Variants in RNF180 observed in about 807,000 individuals in gnomAD.
RNF180 encodes the protein E3 ubiquitin-protein ligase RNF180.
A neutral mutation model predicts 59.2 loss-of-function variants in RNF180; 38 were observed. That is an observed-to-expected ratio of 0.64 (90% CI 0.50 to 0.84). The LOEUF is 0.84. Among genes scored for constraint, RNF180 ranks in the 40% least tolerant of loss-of-function variants. RNF180 has a pLI of 0.00. For synonymous variants in RNF180, 262 were observed against 240.3 expected, an observed-to-expected ratio of 1.09 and a Z score of -0.84; for missense variants, 705 against 700.9, an observed-to-expected ratio of 1.01 and a Z score of -0.07.
chr5:64,192,160 G>A (rs919786496), intron 1 of RNF180, among the ~76,000 whole-genome samples: 1 of 151,586 alleles, frequency 6.6e-6, no homozygotes, highest in Non-Finnish European at 1.5e-5. Context: ...TAATAGACTT[G>A]AATAGACATT....
At chr5:64,251,806 A>C (rs1244903788) in intron 5 of RNF180, among the ~76,000 whole-genome samples, 1 of 151,968 alleles carries the variant, frequency 6.6e-6, no homozygotes, top group African/African-American at 2.4e-5. Context: ...CACACAGTGA[A>C]CTATCTGAAA....
chr5:64,363,313 C>T (rs1746326297), intron 7 of RNF180, among the ~76,000 whole-genome samples: 1 of 151,796 alleles, frequency 6.6e-6, no homozygotes, highest in African/African-American at 2.4e-5. Context: ...CTACGTGTAG[C>T]AAGCCAGTTA....
chr5:64,298,687 A>G (rs1743016630), intron 5 of RNF180, among the ~76,000 whole-genome samples: 1 of 152,032 alleles, frequency 6.6e-6, no homozygotes, highest in Non-Finnish European at 1.5e-5. Context: ...AGCAAAGAAA[A>G]ACAAACCAAA....
At chr5:64,173,240 G>T (rs1750038822) in intron 1 of RNF180, among the ~76,000 whole-genome samples, 1 of 152,140 alleles carries the variant, frequency 6.6e-6, no homozygotes, top group East Asian at 1.9e-4. Context: ...ACATTTAAAT[G>T]AGAATAATTT....
At chr5:64,334,044 G>C (rs909336194) in intron 7 of RNF180, among the ~76,000 whole-genome samples, 4 of 152,148 alleles carry the variant, frequency 2.6e-5, no homozygotes, top group Non-Finnish European at 5.9e-5. Flanking sequence ...GTGCACACTG[G>C]TCCAGGGCCA....
At chr5:64,316,975 T>C (rs1405435828) in intron 5 of RNF180, among the ~76,000 whole-genome samples, 1 of 152,192 alleles carries the variant, frequency 6.6e-6, no homozygotes, top group Non-Finnish European at 1.5e-5. Context: ...ATATGAAAAG[T>C]CAGCCCTTCA....
chr5:64,221,040 T>C (rs569944856), intron 5 of RNF180, among the ~76,000 whole-genome samples: 14 of 152,224 alleles, frequency 9.2e-5, no homozygotes, highest in African/African-American at 3.4e-4. Flanking sequence ...AGTTTCATTT[T>C]CATGGATCTG....
chr5:64,169,901 C>T (rs1299775269), intron 1 of RNF180, among the ~76,000 whole-genome samples: 1 of 152,210 alleles, frequency 6.6e-6, no homozygotes, highest in Non-Finnish European at 1.5e-5. Flanking sequence ...TACTCTAAGC[C>T]ATAGGAAAAG....
At chr5:64,270,354 G>A (rs1333569579) in intron 5 of RNF180, among the ~76,000 whole-genome samples, 1 of 152,110 alleles carries the variant, frequency 6.6e-6, no homozygotes, top group African/African-American at 2.4e-5. Context: ...GAAATTAATT[G>A]AGTAAATGCA....
chr5:64,320,150 G>C (rs971499889), intron 5 of RNF180, among the ~76,000 whole-genome samples: 1 of 152,138 alleles, frequency 6.6e-6, no homozygotes, highest in South Asian at 2.1e-4. Context: ...AGGCAGTAAA[G>C]GTTTAGAGCC....
rs565339934 is a variant in RNF180, at chr5:64,182,140, A to G, written c.-1+16187A>G. ...CGAGTAGCTGGGACTACAGGCGCCC[A>G]CCACCACGCCTGGCTAATTTTTTTG... On this transcript the variant is annotated intron_variant, in intron 1 of 7. Coordinates refer to ENST00000389100, the MANE Select transcript of RNF180 (RefSeq NM_001113561.2). Among the ~76,000 whole-genome samples, 129 of 151,652 alleles carry G rather than the reference A, an allele frequency of 8.5e-4. 1 individual carries two copies. Among genetic ancestry groups the G allele is most frequent in the Non-Finnish European group, 1.1e-3 (78 of 67,882 alleles).
intron 4 of RNF180, among the ~76,000 whole-genome samples, chr5:64,215,447 A>C (rs1752566420): frequency 1.3e-5 from 2 of 152,310 alleles, no homozygotes; most frequent in South Asian, 4.1e-4. Flanking sequence ...TACTGCATTG[A>C]ATGCTTCAGA....
chr5:64,299,225 T>G (rs1408404471), intron 5 of RNF180, among the ~76,000 whole-genome samples: 1 of 152,002 alleles, frequency 6.6e-6, no homozygotes, highest in African/African-American at 2.4e-5. Flanking sequence ...TCCAGAACTT[T>G]GAGATATAAA....
chr5:64,182,202 AG>A (rs1230130986), intron 1 of RNF180, among the ~76,000 whole-genome samples: 3 of 152,070 alleles, frequency 2.0e-5, no homozygotes, highest in Non-Finnish European at 4.4e-5. Flanking sequence ...TGTGTTAGCC[AG>A]GATGGTCTTG....
Position 64,214,390 on chromosome 5 carries a change from T to C in RNF180, c.1064T>C (p.Leu355Pro), listed in dbSNP as rs917364507. The change falls in exon 4 of 8, where the codon CTG (leucine) becomes CCG (proline). Residue 355 changes from leucine to proline, a missense_variant. Transcript: ENST00000389100. ...ASDQEEHLSP[L>P]DFLHSANFSL... ...GACCAGGAAGAGCACCTCTCCCCTC[T>C]GGACTTCCTGCACTCAGCCAATTTT... The C allele has an allele frequency of 6.2e-6, 10 of 1,614,070 alleles. No homozygotes were observed. The highest frequency in any genetic ancestry group is 8.5e-6 in the Non-Finnish European group (10 of 1,180,008).
At chr5:64,350,646 C>A (rs1289183822) in intron 7 of RNF180, among the ~76,000 whole-genome samples, 1 of 152,124 alleles carries the variant, frequency 6.6e-6, no homozygotes, top group East Asian at 1.9e-4. Flanking sequence ...GTTTTCCCAG[C>A]ACCATTTATT....
intron 5 of RNF180, among the ~76,000 whole-genome samples, chr5:64,312,534 T>TCAAA (rs1743819292): frequency 6.6e-6 from 1 of 151,780 alleles, no homozygotes; most frequent in Non-Finnish European, 1.5e-5. Flanking sequence ...GCATCTCTGT[T>TCAAA]CAATCAGACA....
chr5:64,197,528 G>A (rs1751516557), intron 1 of RNF180, among the ~76,000 whole-genome samples: 2 of 152,146 alleles, frequency 1.3e-5, no homozygotes, highest in Admixed American at 1.3e-4. Context: ...TATACTAGGA[G>A]TCCTTTTATT....
At chr5:64,234,459 C>T (rs1346411185) in intron 5 of RNF180, among the ~76,000 whole-genome samples, 2 of 151,644 alleles carry the variant, frequency 1.3e-5, no homozygotes. Context: ...GAATGAGACT[C>T]TGTCTCAAAA....
Sources: allele counts gnomAD v4.1 joint callset (sites outside exome capture counted in the v4.1 genomes callset), GRCh38; gene constraint gnomAD v4.1.1; transcripts MANE v1.5; gene names NCBI Gene and HGNC (gene_info 2026-07-23, HGNC 2026-07-21).